The following EVC2 variants were observed in gnomAD, a reference collection of about 807,000 sequenced individuals.
EVC2 encodes limbin.
Under a neutral mutation model 149.3 loss-of-function variants are expected in EVC2, and 148 were observed. The observed-to-expected ratio is 0.99, with a 90% CI of 0.87 to 1.14. The LOEUF is 1.14. Ranked by LOEUF, EVC2 falls within the 50% of genes most tolerant of loss-of-function variation. The pLI is 0.00. For missense variants in EVC2, 1,854 were observed against 1,627.3 expected (o/e 1.14, Z -2.40); for synonymous variants, 776 against 649.9 (o/e 1.19, Z -2.95).
At chr4:5,536,982 C>T in the EVC2 span, among the ~76,000 whole-genome samples, 65,728 of 151,976 alleles carry the variant, frequency 0.43, 16,184 homozygotes, top group East Asian at 0.9. Flanking sequence ...TAGTCTAAGA[C>T]TGTCAACAAA....
chr4:5,693,405 A>G (rs867617521), intron 3 of EVC2, among the ~76,000 whole-genome samples: 1 of 152,248 alleles, frequency 6.6e-6, no homozygotes, highest in Non-Finnish European at 1.5e-5. Flanking sequence ...AAGTGTCCTT[A>G]TAAGTGGCAC....
At chr4:5,534,586 G>C in the EVC2 span, among the ~76,000 whole-genome samples, 1 of 152,158 alleles carries the variant, frequency 6.6e-6, no homozygotes, top group African/African-American at 2.4e-5. Context: ...CTTGTTACGG[G>C]AAAATAATAA....
chr4:5,660,139 T>A (rs1718785399), intron 9 of EVC2, among the ~76,000 whole-genome samples: 1 of 152,206 alleles, frequency 6.6e-6, no homozygotes, highest in Non-Finnish European at 1.5e-5. Context: ...ATTAGGGAGT[T>A]AAGTGAAAAT....
chr4:5,682,151 G>C (rs1163751463), intron 6 of EVC2, among the ~76,000 whole-genome samples: 1 of 152,182 alleles, frequency 6.6e-6, no homozygotes, highest in Non-Finnish European at 1.5e-5. Flanking sequence ...ACTGCTATTG[G>C]TGGCTGTAGG....
In EVC2 at chr4:5,576,548, T is replaced by A. The variant is rs895122833; in HGVS notation, c.3058-94A>T. On this transcript the variant is annotated intron_variant, in intron 17 of 21. Coordinates refer to ENST00000344408, the MANE Select transcript of EVC2 (RefSeq NM_147127.5). The surrounding 1 kb of genome is among the most constrained non-coding windows in gnomAD (Gnocchi z 4.5). ...CCTCCTGGGTGTCTTGCTACAAGTC[T>A]GGCATGACTCTGTCTTGCCTGGTTC... is the stretch of plus-strand genomic sequence containing the variant. 30 of 1,532,638 alleles carry A rather than the reference T, an allele frequency of 2.0e-5. No homozygotes were observed. The highest frequency in any genetic ancestry group is 2.3e-4 in the Middle Eastern group (1 of 4,414). 94.9% of individuals were successfully genotyped at this position (1,532,638 alleles called of 1,614,324 possible).
At chr4:5,544,774 G>A (rs894915867) in intron 21 of EVC2, among the ~76,000 whole-genome samples, 3 of 152,156 alleles carry the variant, frequency 2.0e-5, no homozygotes, top group Admixed American at 1.3e-4. Context: ...AGTGACCACC[G>A]TTGGATGCTC....
chr4:5,572,077 T>A (rs1315670457), intron 19 of EVC2, among the ~76,000 whole-genome samples: 1 of 152,218 alleles, frequency 6.6e-6, no homozygotes, highest in Non-Finnish European at 1.5e-5. Flanking sequence ...TCTACAGAGA[T>A]GCATCCTATC....
At chr4:5,584,076 TGA>T (rs1228929674) in intron 17 of EVC2, among the ~76,000 whole-genome samples, 1 of 152,126 alleles carries the variant, frequency 6.6e-6, no homozygotes, top group African/African-American at 2.4e-5. Context: ...TCAATAAATG[TGA>T]GGGGTTTTTT....
rs146588335 is a variant in EVC2 at position 5,622,794 on chromosome 4, G to A, written c.2244C>T (p.Thr748=). Residue 748 remains threonine (T), a synonymous_variant, in exon 14 of 22, where the codon ACC becomes ACT. Transcript: ENST00000344408. This position sits in a 1 kb window ranked among gnomAD's most constrained non-coding sequence, Gnocchi z 5.8. ...AGTTCTGCAGGCGCCGCAGCTCGTC[G>A]GTGGCCTTTTCAAACAGCGAAAGGG... The part of the protein sequence containing the change: ...TLTLSLFEKA[T]DELRRLQNSA... 406 of 1,614,020 alleles carry A rather than the reference G, an allele frequency of 2.5e-4. No homozygotes were observed. In the African/African-American group the frequency reaches 3.1e-3, roughly 12 times the overall value.
chr4:5,625,307 TACACACACACACACACACACACACAC>T lies in EVC2; in HGVS notation c.2046+416_2046+441del, dbSNP rs71171407. On this transcript the variant is annotated intron_variant, in intron 13 of 21. Coordinates refer to ENST00000344408, the MANE Select transcript of EVC2 (RefSeq NM_147127.5). The surrounding 1 kb of genome is among the most constrained non-coding windows in gnomAD (Gnocchi z 4.0). The stretch of plus-strand genomic sequence containing the variant: ...CTTACTAGATATTTGACCTTGACCA[TACACACACACACACACACACACACAC>T]ACACACACACACACAAACCCAGTGG... Among the ~76,000 whole-genome samples the T allele has an allele frequency of 7.2e-6, 1 of 139,792 alleles. No homozygotes were observed. The highest frequency in any genetic ancestry group is 2.4e-4 in the South Asian group (1 of 4,128). 91.7% of individuals were successfully genotyped at this position (139,792 alleles called of 152,430 possible). A position where few individuals can be genotyped will look rare whatever the true frequency, so the allele number is the denominator to read the frequency against.
At chr4:5,578,227 T>C (rs1332759186) in intron 17 of EVC2, among the ~76,000 whole-genome samples, 2 of 110,582 alleles carry the variant, frequency 1.8e-5, no homozygotes, top group Non-Finnish European at 3.3e-5. Context: ...ATCGTTGACA[T>C]GTTCTCCTTT....
At chr4:5,638,384 A>C (rs1263960302) in intron 10 of EVC2, among the ~76,000 whole-genome samples, 1 of 140,848 alleles carries the variant, frequency 7.1e-6, no homozygotes, top group Non-Finnish European at 1.5e-5. Context: ...GTGAGACTCT[A>C]TCTCAAAAAA....
intron 17 of EVC2, among the ~76,000 whole-genome samples, chr4:5,577,106 A>G (rs543429052): frequency 6.2e-4 from 94 of 152,306 alleles, no homozygotes; most frequent in African/African-American, 2.0e-3. Context: ...ACTTACAACA[A>G]TCCTTCAGAA....
rs558870573 is a variant in EVC2 at position 5,612,872 on chromosome 4, G to A, written c.2829+2550C>T. Among the ~76,000 whole-genome samples, 27 of 138,554 alleles carry A rather than the reference G, an allele frequency of 1.9e-4. No homozygotes were observed. The East Asian group carries it at 5.7e-3, about 29-fold the overall frequency. The allele number at this position is 138,554 out of a possible 152,430, so 90.9% of individuals were successfully genotyped here. ...GGGAGGCAGAGCTTGCAGTGAGCCA[G>A]GATTGTGCCACTGCACTCCAGCCTG... is the stretch of plus-strand genomic sequence containing the variant. On this transcript the variant is annotated intron_variant, in intron 16 of 21. Coordinates refer to ENST00000344408, the MANE Select transcript of EVC2 (RefSeq NM_147127.5).
chr4:5,632,086 C>A, intron 10 of EVC2, 54 bp from the exon 11 acceptor site: 1 of 1,607,186 alleles, frequency 6.2e-7, no homozygotes, highest in Non-Finnish European at 8.5e-7. Context: ...CATGCACCTA[C>A]ATGTGCATGC....
At chr4:5,572,628 G>A (rs1722704297) in intron 19 of EVC2, among the ~76,000 whole-genome samples, 1 of 152,142 alleles carries the variant, frequency 6.6e-6, no homozygotes, top group South Asian at 2.1e-4. Flanking sequence ...AATTGATAAA[G>A]AATTTCTATT....
In EVC2 at chr4:5,622,993, T is replaced by C. The variant is rs1553833239; in HGVS notation, c.2047-2A>G. 6.8e-6 allele frequency: 11 copies of C among 1,613,816 alleles called. No homozygotes were observed. The highest frequency in any genetic ancestry group is 8.5e-6 in the Non-Finnish European group (10 of 1,179,912). ...CTGCTCCCTACGCTGCTCCCTGTGC[T>C]GGAGTTTCAGAAAAGAAAATTAAGT... On this transcript the variant is annotated splice_acceptor_variant, in intron 13 of 21. Coordinates refer to ENST00000344408, the MANE Select transcript of EVC2 (RefSeq NM_147127.5). LOFTEE classifies it high-confidence loss of function. This position sits in a 1 kb window ranked among gnomAD's most constrained non-coding sequence, Gnocchi z 5.8.
chr4:5,653,151 T>C (rs901095844), intron 9 of EVC2, among the ~76,000 whole-genome samples: 5 of 152,194 alleles, frequency 3.3e-5, no homozygotes, highest in East Asian at 1.9e-4. Flanking sequence ...CTTATGAATA[T>C]ACCAGTCACG....
the EVC2 span, among the ~76,000 whole-genome samples, chr4:5,535,600 A>AG: frequency 4.1e-5 from 6 of 145,070 alleles, no homozygotes; most frequent in South Asian, 2.3e-4. The surrounding 1 kb of genome is among the most constrained non-coding windows in gnomAD (Gnocchi z 4.7). Context: ...GCATGCTTAG[A>AG]AAGAGAGAGA....
Sources: allele counts gnomAD v4.1 joint callset (sites outside exome capture counted in the v4.1 genomes callset), GRCh38; gene constraint gnomAD v4.1.1; non-coding constraint Gnocchi (gnomAD v3.1); transcripts MANE v1.5; gene names NCBI Gene and HGNC (gene_info 2026-07-23, HGNC 2026-07-21).